The following AGBL4 variants were observed in gnomAD, a reference collection of about 807,000 sequenced individuals.
AGBL4 encodes AGBL carboxypeptidase 4.
A neutral mutation model predicts 66.4 loss-of-function variants in AGBL4; 58 were observed. The ratio of observed to expected loss-of-function variants is 0.87; its 90% CI spans 0.71 to 1.09. The LOEUF is 1.09. Among genes scored for constraint, AGBL4 ranks in the 50% least tolerant of loss-of-function variants. The probability of loss-of-function intolerance (pLI) is 0.00; values close to 1 mark genes in which losing one functional copy is unlikely to be tolerated. For synonymous variants in AGBL4, 234 were observed against 222.9 expected (o/e 1.05, Z -0.44); for missense variants, 579 against 631.0 (o/e 0.92, Z 0.88).
intron 4 of AGBL4, among the ~76,000 whole-genome samples, chr1:49,152,635 G>A (rs182606432): frequency 8.6e-4 from 131 of 152,282 alleles, no homozygotes; most frequent in African/African-American, 3.0e-3. Context: ...GGGTGAAAAT[G>A]TTCATGCACA....
chr1:49,732,634 T>C (rs1021490030), intron 2 of AGBL4, among the ~76,000 whole-genome samples: 3 of 152,000 alleles, frequency 2.0e-5, no homozygotes, highest in African/African-American at 7.2e-5. Context: ...ATAACTAGAA[T>C]AAAAATTCAG....
Position 48,558,374 on chromosome 1 carries a change from T to C in AGBL4, c.1268-18636A>G, listed in dbSNP as rs1335868761. 3.9e-5 allele frequency among the ~76,000 whole-genome samples: 6 copies of C among 152,334 alleles called. 1 individual carries two copies. The South Asian group carries it at 8.3e-4, about 21-fold the overall frequency. Reference sequence around the variant, plus strand: ...TCTTGTTTTATTTTCCTGCTCTTAATGTATTCCCCTCTCACACACATCATT... The same window carrying C: ...TCTTGTTTTATTTTCCTGCTCTTAACGTATTCCCCTCTCACACACATCATT... On this transcript the variant is annotated intron_variant, in intron 11 of 13. Transcript: ENST00000371839.
intron 4 of AGBL4, among the ~76,000 whole-genome samples, chr1:49,240,616 A>G (rs1570178573): frequency 1.7e-5 from 2 of 118,960 alleles, no homozygotes; most frequent in South Asian, 5.1e-4. Flanking sequence ...TGGGCCTCTT[A>G]TCCTCTACCT....
intron 2 of AGBL4, chr1:49,846,236 C>A: frequency 6.8e-7 from 1 of 1,462,968 alleles, no homozygotes; most frequent in Non-Finnish European, 9.6e-7. Flanking sequence ...TGGGGAAAAG[C>A]CTTATGAGTG....
chr1:49,440,886 A>G (rs891977899), intron 3 of AGBL4, among the ~76,000 whole-genome samples: 12 of 152,124 alleles, frequency 7.9e-5, no homozygotes, highest in Admixed American at 6.5e-5. Flanking sequence ...CTGAGTTTGT[A>G]AACTCTGATG....
In AGBL4 at chr1:48,833,264, G is replaced by C. The variant is rs549158542; in HGVS notation, c.634+33927C>G. Among the ~76,000 whole-genome samples the C allele has an allele frequency of 1.2e-4, 19 of 152,290 alleles. 1 individual carries two copies. In the South Asian group the frequency reaches 3.9e-3, roughly 32 times the overall value. ...ATCTGTTGATGTCTCAGATGGAAATGAGAAACATGTTATTAGATACTAGAG... is the reference window on the plus strand; with the variant it reads ...ATCTGTTGATGTCTCAGATGGAAATCAGAAACATGTTATTAGATACTAGAG... On this transcript the variant is annotated intron_variant, in intron 6 of 13. Coordinates refer to ENST00000371839, the MANE Select transcript of AGBL4 (RefSeq NM_032785.4).
intron 2 of AGBL4, among the ~76,000 whole-genome samples, chr1:49,758,003 T>C (rs938271026): frequency 6.6e-6 from 1 of 152,140 alleles, no homozygotes; most frequent in Non-Finnish European, 1.5e-5. Flanking sequence ...AATGGTTTCA[T>C]TGGCCAGGCC....
At chr1:49,252,622 G>T (rs1301400099) in intron 3 of AGBL4, among the ~76,000 whole-genome samples, 1 of 152,214 alleles carries the variant, frequency 6.6e-6, no homozygotes, top group Non-Finnish European at 1.5e-5. Context: ...ATCCTCCAAG[G>T]TTAAAATGAA....
At chr1:49,660,870 A>C (rs767110134) in intron 3 of AGBL4, among the ~76,000 whole-genome samples, 23 of 152,014 alleles carry the variant, frequency 1.5e-4, no homozygotes, top group Non-Finnish European at 2.8e-4. Flanking sequence ...CAAATACCAC[A>C]TGTTCTCACT....
At chr1:49,181,997 G>A (rs1470865130) in intron 4 of AGBL4, among the ~76,000 whole-genome samples, 2 of 152,144 alleles carry the variant, frequency 1.3e-5, no homozygotes, top group African/African-American at 2.4e-5. Context: ...CGTAGGCAGT[G>A]GTATCTGGTG....
chr1:49,286,206 A>G (rs1428930513), intron 3 of AGBL4, among the ~76,000 whole-genome samples: 3 of 152,192 alleles, frequency 2.0e-5, no homozygotes, highest in East Asian at 3.9e-4. Context: ...TTGATGGGAC[A>G]TATCTTAAAA....
At chr1:49,407,763 G>A (rs1452551543) in intron 3 of AGBL4, among the ~76,000 whole-genome samples, 1 of 152,170 alleles carries the variant, frequency 6.6e-6, no homozygotes, top group Non-Finnish European at 1.5e-5. Context: ...TAGTCAAGAT[G>A]AATTCAGTTC....
chr1:49,822,641 A>G (rs955023733), intron 2 of AGBL4, among the ~76,000 whole-genome samples: 3 of 152,142 alleles, frequency 2.0e-5, no homozygotes, highest in African/African-American at 7.2e-5. Flanking sequence ...TCCAATCCAC[A>G]TTGATATCTT....
chr1:49,108,704 G>C (rs1444883507), intron 4 of AGBL4, among the ~76,000 whole-genome samples: 1 of 152,138 alleles, frequency 6.6e-6, no homozygotes, highest in Admixed American at 6.5e-5. Flanking sequence ...AGCAGAGACA[G>C]GGGTTATGGC....
At chr1:49,412,481 G>A (rs562669192) in intron 3 of AGBL4, among the ~76,000 whole-genome samples, 2 of 152,180 alleles carry the variant, frequency 1.3e-5, no homozygotes, top group African/African-American at 2.4e-5. Flanking sequence ...ATATGAATTC[G>A]GGGAGGAGGG....
chr1:48,937,284 A>T (rs1655560575), intron 5 of AGBL4, among the ~76,000 whole-genome samples: 1 of 152,222 alleles, frequency 6.6e-6, no homozygotes, highest in African/African-American at 2.4e-5. Context: ...TTAGCTTTAG[A>T]GTCAGATGAT....
At chr1:49,958,807 C>A (rs957942890) in intron 1 of AGBL4, among the ~76,000 whole-genome samples, 2 of 151,354 alleles carry the variant, frequency 1.3e-5, no homozygotes, top group African/African-American at 4.9e-5. Flanking sequence ...CAAACCTGCA[C>A]GTTGTGCACA....
chr1:49,057,789 G>C (rs1644333527), intron 4 of AGBL4, among the ~76,000 whole-genome samples: 2 of 151,780 alleles, frequency 1.3e-5, no homozygotes, highest in African/African-American at 2.4e-5. Flanking sequence ...TTTGTATGTG[G>C]GTAGGGACAG....
intron 3 of AGBL4, among the ~76,000 whole-genome samples, chr1:49,375,871 G>A (rs1257544802): frequency 1.3e-5 from 2 of 152,010 alleles, no homozygotes; most frequent in Non-Finnish European, 2.9e-5. Flanking sequence ...GACAGAGTCT[G>A]ACCTTTCTTA....
Sources: allele counts gnomAD v4.1 joint callset (sites outside exome capture counted in the v4.1 genomes callset), GRCh38; gene constraint gnomAD v4.1.1; transcripts MANE v1.5; gene names NCBI Gene and HGNC (gene_info 2026-07-23, HGNC 2026-07-21).